The following GLRA2 variants were observed in gnomAD, a reference collection of about 807,000 sequenced individuals.
GLRA2 encodes glycine receptor subunit alpha-2.
Under a neutral mutation model 31.6 loss-of-function variants are expected in GLRA2, and 11 were observed. The observed-to-expected ratio is 0.35, with a 90% CI of 0.22 to 0.58. The LOEUF (loss-of-function observed/expected upper bound fraction) is 0.58. Among genes scored for constraint, GLRA2 ranks in the 20% least tolerant of loss-of-function variants. The pLI is 0.84. For synonymous variants in GLRA2, 132 were observed against 134.0 expected, an observed-to-expected ratio of 0.99 and a Z score of 0.10; for missense variants, 212 against 351.8, an observed-to-expected ratio of 0.60 and a Z score of 3.18.
intron 7 of GLRA2, among the ~76,000 whole-genome samples, chrX:14,667,494 G>T (rs1045130673): frequency 7.2e-5 from 8 of 111,876 alleles, no homozygotes; most frequent in Non-Finnish European, 1.5e-4. Context: ...TAGCAGAACA[G>T]ATTTAACTGA....
chrX:14,478,990 A>C, the GLRA2 span, among the ~76,000 whole-genome samples: 1 of 111,605 alleles, frequency 9.0e-6, no homozygotes, highest in Non-Finnish European at 1.9e-5. Context: ...TAGGAGTCAC[A>C]ACAAGATATG....
At chrX:14,455,679 A>G in the GLRA2 span, among the ~76,000 whole-genome samples, 1 of 111,738 alleles carries the variant, frequency 8.9e-6, no homozygotes, top group Non-Finnish European at 1.9e-5. Flanking sequence ...TGATAAATAT[A>G]TTTACTCAAA....
intron 2 of GLRA2, among the ~76,000 whole-genome samples, chrX:14,542,629 GA>G (rs769508434): frequency 0.029 from 2,820 of 98,741 alleles, 36 homozygotes; most frequent in Middle Eastern, 0.045. Flanking sequence ...TGCTAGAGAA[GA>G]AAAAAAAAAA....
At position 14,730,790 on chromosome X, in the gene GLRA2, T is replaced by TCAGA. The variant is rs1463737949; in HGVS notation, c.*308_*311dup. 1 of 237,425 alleles carries TCAGA rather than the reference T, an allele frequency of 4.2e-6. No individual in the cohort carries two copies. The highest frequency in any genetic ancestry group is 2.8e-5 in the African/African-American group (1 of 35,303). The allele number at this position is 237,425 out of a possible 1,213,427, so 19.6% of individuals were successfully genotyped here. On this transcript the variant is annotated 3_prime_UTR_variant, in exon 9 of 9. Coordinates refer to ENST00000218075, the MANE Select transcript of GLRA2 (RefSeq NM_002063.4). ...CATTCAGACATGATATGCGCATCAT[T>TCAGA]CAGACATGATATGCGGGGTCAAGTT...
At chrX:14,494,784 C>T in the GLRA2 span, among the ~76,000 whole-genome samples, 24 of 111,621 alleles carry the variant, frequency 2.2e-4, no homozygotes, top group African/African-American at 7.2e-4. Flanking sequence ...ACCTGACTCC[C>T]GTAGAAGCAC....
At chrX:14,482,560 G>A in the GLRA2 span, among the ~76,000 whole-genome samples, 3 of 111,083 alleles carry the variant, frequency 2.7e-5, no homozygotes, top group Admixed American at 9.6e-5. Flanking sequence ...AGATGGCTAA[G>A]ATAATGCATA....
chrX:14,722,064 A>C (rs2091873133), intron 8 of GLRA2, among the ~76,000 whole-genome samples: 1 of 111,851 alleles, frequency 8.9e-6, no homozygotes, highest in Non-Finnish European at 1.9e-5. Flanking sequence ...TCAGTTTTTG[A>C]TACAGCATCA....
chrX:14,480,550 G>T, the GLRA2 span, among the ~76,000 whole-genome samples: 1 of 111,763 alleles, frequency 8.9e-6, no homozygotes, highest in Non-Finnish European at 1.9e-5. Flanking sequence ...GGTGAAAGTA[G>T]GGGTCCTGTT....
the GLRA2 span, among the ~76,000 whole-genome samples, chrX:14,462,363 C>G: frequency 9.0e-6 from 1 of 110,631 alleles, no homozygotes; most frequent in African/African-American, 3.3e-5. Context: ...TTGTGGTGTT[C>G]TCTGTATTTC....
the GLRA2 span, among the ~76,000 whole-genome samples, chrX:14,492,316 T>C: frequency 5.4e-5 from 6 of 111,090 alleles, no homozygotes; most frequent in Non-Finnish European, 7.6e-5. Flanking sequence ...TCCTATCATC[T>C]AGTCTCCTCA....
chrX:14,638,170 T>C (rs1412215280), intron 7 of GLRA2, among the ~76,000 whole-genome samples: 1 of 111,400 alleles, frequency 9.0e-6, no homozygotes, highest in Non-Finnish European at 1.9e-5. Context: ...AATAGGTGGC[T>C]TCTTTGATAT....
intron 7 of GLRA2, among the ~76,000 whole-genome samples, chrX:14,645,589 A>G (rs2090821718): frequency 8.9e-6 from 1 of 111,767 alleles, no homozygotes; most frequent in South Asian, 3.8e-4. Flanking sequence ...CTTTGAACAT[A>G]GATCCAAACA....
the GLRA2 span, among the ~76,000 whole-genome samples, chrX:14,491,517 G>A: frequency 1.8e-5 from 2 of 112,113 alleles, no homozygotes; most frequent in Non-Finnish European, 3.8e-5. Flanking sequence ...ATAAGTAAAT[G>A]CAAATTCTAA....
chrX:14,540,746 A>G (rs1732963974), intron 2 of GLRA2, among the ~76,000 whole-genome samples: 1 of 111,075 alleles, frequency 9.0e-6, no homozygotes, highest in Non-Finnish European at 1.9e-5. Flanking sequence ...AAAAGCAGAG[A>G]AGAGAGAGAA....
Position 14,645,642 on chromosome X carries a change from C to T in GLRA2, c.930+36437C>T, listed in dbSNP as rs755660870. Among the ~76,000 whole-genome samples the T allele has an allele frequency of 6.3e-5, 7 of 111,775 alleles. No homozygotes were observed. The South Asian group carries it at 1.9e-3, about 31-fold the overall frequency. Reference sequence around the variant, plus strand: ...CATTATCTCACCTCTTTGCAATTAACCTAAAGGAGAAACCAGAGCAAGAAC... The same window carrying T: ...CATTATCTCACCTCTTTGCAATTAATCTAAAGGAGAAACCAGAGCAAGAAC... On this transcript the variant is annotated intron_variant, in intron 7 of 8. Coordinates refer to ENST00000218075, the MANE Select transcript of GLRA2 (RefSeq NM_002063.4).
chrX:14,515,004 T>C, the GLRA2 span, among the ~76,000 whole-genome samples: 1 of 111,721 alleles, frequency 9.0e-6, no homozygotes, highest in African/African-American at 3.2e-5. Flanking sequence ...CTTGAGAGCA[T>C]TTTTCTTCTT....
chrX:14,585,491 G>A (rs188726579), intron 4 of GLRA2, among the ~76,000 whole-genome samples: 3 of 111,975 alleles, frequency 2.7e-5, no homozygotes, highest in African/African-American at 9.7e-5. Flanking sequence ...TTAACTAGAG[G>A]TCAAGGAGTA....
At position 14,532,228 on chromosome X, in the gene GLRA2, G is replaced by T. The variant is rs1474696292; in HGVS notation, c.69-11G>T. The T allele has an allele frequency of 1.8e-6, 2 of 1,102,196 alleles. No individual in the cohort carries two copies. The highest frequency in any genetic ancestry group is 3.7e-5 in the African/African-American group (2 of 53,720). The allele number at this position is 1,102,196 out of a possible 1,213,427, so 90.8% of individuals were successfully genotyped here. ...TGAAATTGTTGCTAAAAGAGTTAATGATGTGTTTAGGACGGCTTTCTGCAA... is the reference window on the plus strand; with the variant it reads ...TGAAATTGTTGCTAAAAGAGTTAATTATGTGTTTAGGACGGCTTTCTGCAA... On this transcript the variant is annotated splice_polypyrimidine_tract_variant and intron_variant, in intron 1 of 8. Coordinates refer to ENST00000218075, the MANE Select transcript of GLRA2 (RefSeq NM_002063.4).
intron 4 of GLRA2, among the ~76,000 whole-genome samples, chrX:14,597,471 G>T (rs189632026): frequency 4.5e-5 from 5 of 111,740 alleles, no homozygotes; most frequent in Admixed American, 9.5e-5. Context: ...ATGTTTGCTG[G>T]GGGAGGCCCA....
Sources: gnomAD v4.1 joint callset for allele counts (sites outside exome capture counted in the v4.1 genomes callset) on GRCh38, gnomAD v4.1.1 for gene constraint, MANE v1.5 for transcripts, NCBI Gene and HGNC (gene_info 2026-07-23, HGNC 2026-07-21) for gene names.